The following TECTA variants were observed in gnomAD, a reference collection of about 807,000 sequenced individuals.
The protein encoded by TECTA is tectorin alpha.
In TECTA, 128 loss-of-function variants were observed where a neutral mutation model predicts 216.8. That is an observed-to-expected ratio of 0.59 (90% CI 0.51 to 0.68). The LOEUF is 0.68. TECTA is among the 30% of genes least tolerant of loss of function. The pLI is 0.00. For missense variants in TECTA, 2,551 were observed against 2,786.2 expected, an observed-to-expected ratio of 0.92 and a Z score of 1.90; for synonymous variants, 1,089 against 1,117.1, an observed-to-expected ratio of 0.97 and a Z score of 0.50.
chr11:121,121,760 C>A (rs1164732576), intron 7 of TECTA, among the ~76,000 whole-genome samples: 2 of 152,126 alleles, frequency 1.3e-5, no homozygotes, highest in Non-Finnish European at 2.9e-5. Flanking sequence ...CTTTGGGACA[C>A]AATAAGACTT....
rs996998267 is a variant in TECTA at position 121,127,470 on chromosome 11, G to A, written c.1775-282G>A. ...ATCATCAAATAATAAACCTATATTG[G>A]GTAATCAGTAGTCTAGAAAGGATGG... On this transcript the variant is annotated intron_variant, in intron 8 of 23. Transcript: ENST00000392793. The surrounding 1 kb of genome is among the most constrained non-coding windows in gnomAD (Gnocchi z 5.0). Among the ~76,000 whole-genome samples, 6 of 151,548 alleles carry A rather than the reference G, an allele frequency of 4.0e-5. No individual in the cohort carries two copies. Among genetic ancestry groups the A allele is most frequent in the African/African-American group, 1.5e-4 (6 of 41,194 alleles).
intron 11 of TECTA, 123 bp downstream of exon 11, chr11:121,138,145 C>A: frequency 1.5e-6 from 2 of 1,343,480 alleles, no homozygotes; most frequent in Non-Finnish European, 1.0e-6. Flanking sequence ...TATATTAAAG[C>A]AGAGAGAGGC....
chr11:121,173,682 TG>T (rs1947136535), intron 20 of TECTA, among the ~76,000 whole-genome samples: 1 of 150,200 alleles, frequency 6.7e-6, no homozygotes, highest in Non-Finnish European at 1.5e-5. Flanking sequence ...GGCTCTTTTT[TG>T]GTTCCATATG....
intron 4 of TECTA, among the ~76,000 whole-genome samples, chr11:121,110,878 G>A (rs1289031244): frequency 6.6e-6 from 1 of 152,194 alleles, no homozygotes; most frequent in Non-Finnish European, 1.5e-5. Flanking sequence ...GATGAATGAA[G>A]TAACATCTAA....
chr11:121,142,009 C>G (rs1946789320), intron 11 of TECTA, among the ~76,000 whole-genome samples: 1 of 152,080 alleles, frequency 6.6e-6, no homozygotes, highest in South Asian at 2.1e-4. Flanking sequence ...AGACCCAGAG[C>G]TGAGGCCTGG....
intron 6 of TECTA, among the ~76,000 whole-genome samples, chr11:121,114,375 CG>C (rs1299034027): frequency 6.6e-6 from 1 of 152,168 alleles, no homozygotes; most frequent in African/African-American, 2.4e-5. Flanking sequence ...TCTGAACTAT[CG>C]AACCCCTTTA....
At chr11:121,152,581 C>T (rs984166493) in intron 12 of TECTA, among the ~76,000 whole-genome samples, 3 of 152,008 alleles carry the variant, frequency 2.0e-5, no homozygotes, top group African/African-American at 4.8e-5. Context: ...TTCAGATGGG[C>T]GGTGGGTTCA....
At chr11:121,167,791 G>T (rs1196702431) in intron 18 of TECTA, among the ~76,000 whole-genome samples, 1 of 152,182 alleles carries the variant, frequency 6.6e-6, no homozygotes, top group Non-Finnish European at 1.5e-5. Flanking sequence ...GTGGGGTCTG[G>T]TAGTGGTTAG....
chr11:121,168,350 C>A, intron 19 of TECTA, 133 bp downstream of exon 19: 1 of 1,243,104 alleles, frequency 8.0e-7, no homozygotes, highest in Non-Finnish European at 1.2e-6. Flanking sequence ...AGCCTAAATG[C>A]TTTCAACCAA....
In TECTA at chr11:121,137,865, C is replaced by G. The variant is rs1374048756; in HGVS notation, c.3386C>G (p.Thr1129Arg). Reference sequence around the variant, plus strand: ...AGCTGCCCACTCATCCTGTGCACCACAGGAAGCAGGCCAAGCTCAGACTCT... The same window carrying G: ...AGCTGCCCACTCATCCTGTGCACCAGAGGAAGCAGGCCAAGCTCAGACTCT... ...QTSCPLILCT[T>R]GSRPSSDSFP... Residue 1129 changes from threonine to arginine, a missense_variant, in exon 11 of 24, where the codon ACA (threonine) becomes AGA (arginine). Thr to Arg is a moderately conservative substitution (Grantham distance 71). Coordinates refer to ENST00000392793, the MANE Select transcript of TECTA (RefSeq NM_005422.4). 16 of 1,605,372 alleles carry G rather than the reference C, an allele frequency of 1.0e-5. No individual in the cohort carries two copies. The East Asian group carries it at 3.6e-4, about 36-fold the overall frequency.
Position 121,127,694 on chromosome 11 carries a change from G to A in TECTA, c.1775-58G>A, listed in dbSNP as rs990220276. ...CAGGAGGAGCGTTAAGATTCTGGCG[G>A]GTTAGCACTCCGGGTCCATTCACCT... On this transcript the variant is annotated intron_variant, in intron 8 of 23. Transcript: ENST00000392793. The surrounding 1 kb of genome is among the most constrained non-coding windows in gnomAD (Gnocchi z 5.0). The A allele has an allele frequency of 6.2e-5, 99 of 1,588,762 alleles. No homozygotes were observed. The highest frequency in any genetic ancestry group is 4.2e-4 in the Admixed American group (25 of 59,976).
intron 13 of TECTA, among the ~76,000 whole-genome samples, chr11:121,156,849 G>A (rs771405191): frequency 9.2e-5 from 14 of 152,234 alleles, no homozygotes; most frequent in East Asian, 1.9e-4. Context: ...CACTGGGGAG[G>A]TGAGTAACGC....
Position 121,130,670 on chromosome 11 carries a change from G to A in TECTA, c.2941+459G>A, listed in dbSNP as rs567268448. ...GTATTAAGAGAGTCCTGTGTTGCTG[G>A]CTTTTAATTTTGTCCCGAAAGTATC... On this transcript the variant is annotated intron_variant, in intron 10 of 23. Transcript: ENST00000392793. Among the ~76,000 whole-genome samples the A allele has an allele frequency of 2.2e-4, 33 of 152,292 alleles. No homozygotes were observed. The South Asian group carries it at 6.2e-3, about 29-fold the overall frequency.
chr11:121,125,950 G>A, intron 8 of TECTA, 78 bp downstream of exon 8: 1 of 1,507,134 alleles, frequency 6.6e-7, no homozygotes. Flanking sequence ...TCCTCCAAAT[G>A]TCCTTGTTAA....
intron 7 of TECTA, among the ~76,000 whole-genome samples, chr11:121,119,645 T>C (rs1176993866): frequency 6.6e-6 from 1 of 152,226 alleles, no homozygotes; most frequent in Admixed American, 6.5e-5. Flanking sequence ...TCCCCATGCA[T>C]GGAGGTCATT....
rs113335578 is a variant in TECTA, at chr11:121,115,135, A to G, written c.790+1417A>G. On this transcript the variant is annotated intron_variant, in intron 6 of 23. Coordinates refer to ENST00000392793, the MANE Select transcript of TECTA (RefSeq NM_005422.4). ...CACCCACTCATCCACCTACCCATCCATCCATTTATCCATCCACCCATTCAC... is the reference window on the plus strand; with the variant it reads ...CACCCACTCATCCACCTACCCATCCGTCCATTTATCCATCCACCCATTCAC... Among the ~76,000 whole-genome samples the G allele has an allele frequency of 4.2e-3, 581 of 139,224 alleles. 2 individuals are homozygous for G. Among genetic ancestry groups the G allele is most frequent in the Non-Finnish European group, 7.4e-3 (480 of 64,730 alleles). 91.3% of individuals were successfully genotyped at this position (139,224 alleles called of 152,430 possible).
intron 8 of TECTA, among the ~76,000 whole-genome samples, 167 bp downstream of exon 8, chr11:121,126,039 T>C (rs937438153): frequency 1.3e-5 from 2 of 152,210 alleles, no homozygotes; most frequent in Admixed American, 6.5e-5. Context: ...TCTTTACTTT[T>C]GCCCCCACCT....
chr11:121,143,051 A>C (rs1398753455), intron 11 of TECTA, among the ~76,000 whole-genome samples: 2 of 152,096 alleles, frequency 1.3e-5, no homozygotes, highest in Non-Finnish European at 2.9e-5. Context: ...CCTGTTTGTT[A>C]CTTTATTTGC....
In TECTA at chr11:121,127,399, T is replaced by G. The variant is rs182434150; in HGVS notation, c.1775-353T>G. On this transcript the variant is annotated intron_variant, in intron 8 of 23. Transcript: ENST00000392793. The surrounding 1 kb of genome is among the most constrained non-coding windows in gnomAD (Gnocchi z 5.0). ...CCATGCTCTTTAAAATCAGATCAAT[T>G]TATATGTCCATCAGTGGAAGGTCTT... Among the ~76,000 whole-genome samples, 188 of 152,332 alleles carry G rather than the reference T, an allele frequency of 1.2e-3. No individual in the cohort carries two copies. The highest frequency in any genetic ancestry group is 2.4e-3 in the Non-Finnish European group (161 of 68,032).
Sources: gnomAD v4.1 joint callset for allele counts (sites outside exome capture counted in the v4.1 genomes callset) on GRCh38, gnomAD v4.1.1 for gene constraint, Gnocchi (gnomAD v3.1) non-coding constraint, MANE v1.5 for transcripts, NCBI Gene and HGNC (gene_info 2026-07-23, HGNC 2026-07-21) for gene names.